The following TIAM1 variants were observed in gnomAD, a reference collection of about 807,000 sequenced individuals.
TIAM1 encodes the protein TIAM Rac1 associated GEF 1.
A neutral mutation model predicts 163.5 loss-of-function variants in TIAM1; 65 were observed. The observed-to-expected ratio is 0.40, with a 90% CI of 0.33 to 0.49. The LOEUF (loss-of-function observed/expected upper bound fraction) is 0.49, where lower values mean the gene tolerates loss of function less well. Among genes scored for constraint, TIAM1 ranks in the 20% least tolerant of loss-of-function variants. The probability of loss-of-function intolerance (pLI) is 0.77; values close to 1 mark genes in which losing one functional copy is unlikely to be tolerated. For missense variants in TIAM1, 1,789 were observed against 2,044.7 expected, an observed-to-expected ratio of 0.87 and a Z score of 2.41; for synonymous variants, 833 against 810.1, an observed-to-expected ratio of 1.03 and a Z score of -0.48.
In TIAM1 at chr21:31,174,046, T is replaced by C. The variant is rs188547287; in HGVS notation, c.2887+8375A>G. On this transcript the variant is annotated intron_variant, in intron 15 of 27. Transcript: ENST00000541036. ...TTATCGACAAACAAACAGAGGACCATGTGCTGCCGGGTATCTGTGAGACTT... is the reference window on the plus strand; with the variant it reads ...TTATCGACAAACAAACAGAGGACCACGTGCTGCCGGGTATCTGTGAGACTT... 5.1e-3 allele frequency among the ~76,000 whole-genome samples: 775 copies of C among 152,290 alleles called. 2 individuals are homozygous for C. The highest frequency in any genetic ancestry group is 0.013 in the Admixed American group (197 of 15,300).
At chr21:31,548,200 C>T (rs186313809) in intron 1 of TIAM1, among the ~76,000 whole-genome samples, 16 of 131,666 alleles carry the variant, frequency 1.2e-4, no homozygotes, top group East Asian at 4.5e-4. Flanking sequence ...AGTACAGTGG[C>T]GAGATCTCAG....
intron 16 of TIAM1, among the ~76,000 whole-genome samples, chr21:31,155,786 C>T (rs923826023): frequency 2.0e-5 from 3 of 152,216 alleles, no homozygotes; most frequent in Non-Finnish European, 4.4e-5. Flanking sequence ...CAGGCGTGAG[C>T]CACCGCGCCC....
intron 1 of TIAM1, among the ~76,000 whole-genome samples, chr21:31,342,975 G>A (rs1343029822): frequency 6.6e-6 from 1 of 152,154 alleles, no homozygotes; most frequent in Non-Finnish European, 1.5e-5. Flanking sequence ...TAAGAAAAAT[G>A]ATAAAATCAG....
chr21:31,241,971 C>T (rs1200256002), intron 6 of TIAM1, among the ~76,000 whole-genome samples: 1 of 152,110 alleles, frequency 6.6e-6, no homozygotes, highest in Non-Finnish European at 1.5e-5. Context: ...GATTGCACCA[C>T]TGTACTCCAG....
intron 2 of TIAM1, among the ~76,000 whole-genome samples, chr21:31,425,709 C>T (rs1238886357): frequency 7.4e-6 from 1 of 134,418 alleles, no homozygotes; most frequent in Admixed American, 8.3e-5. Context: ...CTCTCTCTTC[C>T]TTTTTGAGAC....
chr21:31,298,975 A>T (rs2074401115), intron 2 of TIAM1, among the ~76,000 whole-genome samples: 1 of 152,132 alleles, frequency 6.6e-6, no homozygotes, highest in Non-Finnish European at 1.5e-5. Flanking sequence ...CGGAGGAGGG[A>T]GGCGTAGGGC....
At chr21:31,222,702 TATATA>T (rs1359840514) in intron 8 of TIAM1, among the ~76,000 whole-genome samples, 901 of 45,616 alleles carry the variant, frequency 0.02, 24 homozygotes, top group South Asian at 0.024. Flanking sequence ...TATATATATA[TATATA>T]TTTTTTTTTT....
intron 2 of TIAM1, among the ~76,000 whole-genome samples, chr21:31,459,623 G>A (rs556947715): frequency 8.5e-5 from 13 of 152,102 alleles, no homozygotes; most frequent in Admixed American, 1.3e-4. Flanking sequence ...CCTAGATGGC[G>A]TCCGCAACCA....
At chr21:31,237,652 T>C (rs2070963638) in intron 6 of TIAM1, among the ~76,000 whole-genome samples, 2 of 152,244 alleles carry the variant, frequency 1.3e-5, no homozygotes. Flanking sequence ...AAACTTTCTA[T>C]GGGAAGAAAA....
At chr21:31,448,367 G>A (rs993038717) in intron 2 of TIAM1, among the ~76,000 whole-genome samples, 2 of 152,172 alleles carry the variant, frequency 1.3e-5, no homozygotes, top group African/African-American at 4.8e-5. Context: ...TATTTTGAGA[G>A]GAGGAGGCGG....
chr21:31,231,580 C>A (rs767310081), intron 6 of TIAM1, among the ~76,000 whole-genome samples: 3 of 152,104 alleles, frequency 2.0e-5, no homozygotes, highest in Non-Finnish European at 4.4e-5. Context: ...AGTTAAACAC[C>A]CTTTGAATGG....
At chr21:31,349,446 T>A (rs947493135) in intron 2 of TIAM1, among the ~76,000 whole-genome samples, 89 of 152,208 alleles carry the variant, frequency 5.8e-4, no homozygotes, top group Admixed American at 5.8e-3. Context: ...GGCTTTTGAT[T>A]TCAAGGGCCC....
intron 1 of TIAM1, among the ~76,000 whole-genome samples, chr21:31,538,380 A>T (rs538752887): frequency 8.1e-4 from 123 of 152,296 alleles, no homozygotes; most frequent in Non-Finnish European, 1.6e-3. Flanking sequence ...CTGTCTCTAT[A>T]AAAAATTTTT....
At chr21:31,347,016 T>A (rs1031695349), upstream of TIAM1, among the ~76,000 whole-genome samples, 2 of 152,166 alleles carry the variant, frequency 1.3e-5, no homozygotes, top group African/African-American at 4.8e-5. Context: ...ACAGTAGGTT[T>A]GCTCATCTTG....
Position 31,410,707 on chromosome 21 carries a change from TGA to T in TIAM1, c.-369+53274_-369+53275del, listed in dbSNP as rs200117588. The stretch of plus-strand genomic sequence containing the variant: ...GTGAGAGTGTGTGTGAGTGTGTATG[TGA>T]GAGAGACACAGAGAGAAAGAAAGGG... On this transcript the variant is annotated intron_variant, in intron 2 of 28. Transcript: ENST00000286827. 5.4e-3 allele frequency among the ~76,000 whole-genome samples: 819 copies of T among 151,500 alleles called. 4 individuals carry two copies. Among genetic ancestry groups the T allele is most frequent in the Middle Eastern group, 0.02 (6 of 294 alleles).
At chr21:31,482,837 T>C (rs2833426) in intron 1 of TIAM1, among the ~76,000 whole-genome samples, 89,861 of 152,038 alleles carry the variant, frequency 0.59, 27,449 homozygotes, top group African/African-American at 0.71. Flanking sequence ...CCCAGAGCAA[T>C]GTAAGGACTG....
intron 1 of TIAM1, among the ~76,000 whole-genome samples, chr21:31,510,096 A>C (rs928800321): frequency 1.3e-5 from 2 of 152,140 alleles, no homozygotes; most frequent in Non-Finnish European, 2.9e-5. Context: ...GTACCCGTAA[A>C]TGTAACTGCA....
intron 16 of TIAM1, 97 bp downstream of exon 16, chr21:31,164,865 A>C: frequency 8.2e-7 from 1 of 1,226,580 alleles, no homozygotes. Context: ...TCGTCCATGG[A>C]GAGGCCTGGT....
chr21:31,512,045 T>C (rs2047226314), intron 1 of TIAM1, among the ~76,000 whole-genome samples: 1 of 152,188 alleles, frequency 6.6e-6, no homozygotes, highest in Admixed American at 6.5e-5. Flanking sequence ...GACATTTACC[T>C]AAGCTGCCTG....
Sources: allele counts gnomAD v4.1 joint callset (sites outside exome capture counted in the v4.1 genomes callset), GRCh38; gene constraint gnomAD v4.1.1; transcripts MANE v1.5; gene names NCBI Gene and HGNC (gene_info 2026-07-23, HGNC 2026-07-21).